The following PRDM14 variants were observed in gnomAD, a reference collection of about 807,000 sequenced individuals.
PRDM14 encodes PR domain zinc finger protein 14.
A neutral mutation model predicts 48.0 loss-of-function variants in PRDM14; 16 were observed. The observed-to-expected ratio is 0.33, with a 90% CI of 0.23 to 0.51. The LOEUF is 0.51. Ranked by LOEUF, PRDM14 falls within the 20% of genes least tolerant of loss-of-function variation. PRDM14 has a pLI of 0.97. For synonymous variants in PRDM14, 264 were observed against 276.6 expected (o/e 0.95, Z 0.45); for missense variants, 566 against 719.6 (o/e 0.79, Z 2.44).
At chr8:70,061,553 C>T (rs1805581546) in intron 5 of PRDM14, among the ~76,000 whole-genome samples, 1 of 152,182 alleles carries the variant, frequency 6.6e-6, no homozygotes, top group Non-Finnish European at 1.5e-5. Flanking sequence ...CTCTCAGAAT[C>T]CCCGTGCTGG....
At chr8:70,063,625 C>T (rs775271012) in intron 5 of PRDM14, among the ~76,000 whole-genome samples, 57 of 151,856 alleles carry the variant, frequency 3.8e-4, no homozygotes, top group Admixed American at 1.5e-3. Context: ...TGGGTTCAAG[C>T]GATTCTCCTG....
chr8:70,056,472 GTTTA>G (rs1805473471), intron 6 of PRDM14, among the ~76,000 whole-genome samples: 1 of 152,136 alleles, frequency 6.6e-6, no homozygotes, highest in South Asian at 2.1e-4. Flanking sequence ...CTTTGTATTT[GTTTA>G]TTTATTTATT....
chr8:70,067,330 C>G (rs565751301), intron 4 of PRDM14, among the ~76,000 whole-genome samples: 1 of 152,002 alleles, frequency 6.6e-6, no homozygotes, highest in Admixed American at 6.6e-5. Flanking sequence ...ACCAGCCTGG[C>G]CAACATGGTG....
intron 1 of PRDM14, among the ~76,000 whole-genome samples, 187 bp downstream of exon 1, chr8:70,070,963 C>T (rs1805756724): frequency 6.6e-6 from 1 of 152,196 alleles, no homozygotes; most frequent in Admixed American, 6.5e-5. Flanking sequence ...CGTCTCCTCC[C>T]GATCCTCCAA....
chr8:70,069,364 G>T lies in PRDM14; in HGVS notation c.497C>A (p.Thr166Asn). Reference sequence around the variant, plus strand: ...GGGTGAGCAAGGTAATAACTGGGAGGTCCTCAGCCCCTCAGGTAACAGAGA... The same window carrying T: ...GGGTGAGCAAGGTAATAACTGGGAGTTCCTCAGCCCCTCAGGTAACAGAGA... ...DASLLPEGLR[T>N]SQLLPCSPSK... The change falls in exon 2 of 8, where the codon ACC becomes AAC. Residue 166 changes from threonine (T) to asparagine (N), a missense_variant. By Grantham distance (65) the Thr-to-Asn change is moderately conservative. Transcript: ENST00000276594. 6.2e-7 allele frequency: 1 copy of T among 1,612,240 alleles called. No individual in the cohort carries two copies.
intron 7 of PRDM14, among the ~76,000 whole-genome samples, chr8:70,052,605 C>T (rs1410689880): frequency 2.6e-5 from 4 of 152,072 alleles, no homozygotes; most frequent in African/African-American, 7.2e-5. Flanking sequence ...TGGTTCACAC[C>T]TGTAATCCCA....
chr8:70,066,913 G>A (rs1292785569), intron 4 of PRDM14, among the ~76,000 whole-genome samples: 1 of 151,926 alleles, frequency 6.6e-6, no homozygotes, highest in Non-Finnish European at 1.5e-5. Flanking sequence ...AAAATTTTTT[G>A]TAGAGACAGG....
chr8:70,057,917 G>T (rs1381506337), intron 6 of PRDM14, among the ~76,000 whole-genome samples: 3 of 152,176 alleles, frequency 2.0e-5, no homozygotes, highest in African/African-American at 7.2e-5. Context: ...TTTATTCTCA[G>T]TTTTCAAAAC....
chr8:70,069,873 C>A lies in PRDM14; in HGVS notation c.-13G>T, dbSNP rs1805738232. On this transcript the variant is annotated 5_prime_UTR_variant, in exon 2 of 8. Coordinates refer to ENST00000276594, the MANE Select transcript of PRDM14 (RefSeq NM_024504.4). ...GGGGTAGAGCCATCCCGGGACCGCA[C>A]GCTCGGCGGCTCTGCAGAAAAGCGG... is the stretch of plus-strand genomic sequence containing the variant. 1.3e-6 allele frequency: 2 copies of A among 1,560,456 alleles called. No homozygotes were observed. The highest frequency in any genetic ancestry group is 1.9e-5 in the Admixed American group (1 of 53,388).
chr8:70,067,512 C>T (rs1445194583), intron 4 of PRDM14, among the ~76,000 whole-genome samples: 2 of 147,176 alleles, frequency 1.4e-5, no homozygotes, highest in African/African-American at 2.6e-5. Context: ...ACAAAAACTC[C>T]GTCTCAAGAA....
chr8:70,052,865 CAAAAAAAAAAAAAAAAAA>C (rs71275047), intron 7 of PRDM14, among the ~76,000 whole-genome samples: 1 of 24,326 alleles, frequency 4.1e-5, no homozygotes, highest in Non-Finnish European at 6.9e-5. Flanking sequence ...ACTCTGTCTC[CAAAAAAAAAAAAAAAAAA>C]AAAAAAAAAG....
At position 70,069,660 on chromosome 8, in the gene PRDM14, G is replaced by A; in HGVS notation, c.201C>T (p.Pro67=). ...GAGGCGCCATCCGGAAGGGGAAGGG[G>A]GGCATGGCGGGGGCAGCAGACGCTG... ...EAAASAAPAM[P]PFPFRMAPPL... The change falls in exon 2 of 8, where the codon CCC becomes CCT. Residue 67 remains proline (P), a synonymous_variant. Coordinates refer to ENST00000276594, the MANE Select transcript of PRDM14 (RefSeq NM_024504.4). 6.4e-7 allele frequency: 1 copy of A among 1,565,274 alleles called. No homozygotes were observed. The highest frequency in any genetic ancestry group is 8.7e-7 in the Non-Finnish European group (1 of 1,155,240).
chr8:70,066,864 T>C (rs914058563), intron 4 of PRDM14, among the ~76,000 whole-genome samples: 11 of 152,090 alleles, frequency 7.2e-5, no homozygotes, highest in Non-Finnish European at 1.0e-4. Context: ...TAGCTGGAAC[T>C]AAAGGCATGC....
chr8:70,068,250 C>T lies in PRDM14; in HGVS notation c.892G>A (p.Asp298Asn), dbSNP rs1285183449. Residue 298 changes from aspartate (D) to asparagine (N), a missense_variant, in exon 4 of 8, where the codon GAC becomes AAC. Asp to Asn is a conservative substitution (Grantham distance 23). Around this residue, in one of 3 missense-constraint regions of PRDM14, gnomAD observed 410 missense variants for 424.6 expected, o/e 0.97. Coordinates refer to ENST00000276594, the MANE Select transcript of PRDM14 (RefSeq NM_024504.4). Reference protein sequence around the residue: ...VNASEVKTYGDNSVMWEIFED... With the variant: ...VNASEVKTYGNNSVMWEIFED... ...TTTACCTCCCACATCACAGAATTGT[C>T]TCCGTAGGTCTTCACTTCACTGGCA... 6.2e-7 allele frequency: 1 copy of T among 1,614,124 alleles called. No homozygotes were observed. The highest frequency in any genetic ancestry group is 8.5e-7 in the Non-Finnish European group (1 of 1,180,052).
In PRDM14 at chr8:70,069,670, G is replaced by C. The variant is rs1466972169; in HGVS notation, c.191C>G (p.Pro64Arg). The change falls in exon 2 of 8, where the codon CCC (proline) becomes CGC (arginine). Residue 64 changes from proline (P) to arginine (R), a missense_variant. Physicochemically the swap from Pro to Arg is moderately radical, Grantham distance 103. Around this residue, in one of 3 missense-constraint regions of PRDM14, gnomAD observed 410 missense variants for 424.6 expected, o/e 0.97. Coordinates refer to ENST00000276594, the MANE Select transcript of PRDM14 (RefSeq NM_024504.4). ...RQLEAAASAA[P>R]AMPPFPFRMA... ...CCGGAAGGGGAAGGGGGGCATGGCGGGGGCAGCAGACGCTGCGGCCTCCAG... is the reference window on the plus strand; with the variant it reads ...CCGGAAGGGGAAGGGGGGCATGGCGCGGGCAGCAGACGCTGCGGCCTCCAG... 6.4e-7 allele frequency: 1 copy of C among 1,550,730 alleles called. No individual in the cohort carries two copies. Among genetic ancestry groups the C allele is most frequent in the African/African-American group, 1.4e-5 (1 of 73,410 alleles).
At chr8:70,070,271 C>T (rs1805744376) in intron 1 of PRDM14, among the ~76,000 whole-genome samples, 1 of 152,178 alleles carries the variant, frequency 6.6e-6, no homozygotes, top group Admixed American at 6.5e-5. Context: ...CTTCTCAGTC[C>T]TACAAAACTC....
Position 70,071,143 on chromosome 8 carries a change from T to A in PRDM14, c.-25+7A>T, listed in dbSNP as rs1805759892. Reference sequence around the variant, plus strand: ...CGGGCCCCAGGCGCGTCCTGTCCCGTGCCTACCTCCGACACCACCTCCAAG... The same window carrying A: ...CGGGCCCCAGGCGCGTCCTGTCCCGAGCCTACCTCCGACACCACCTCCAAG... On this transcript the variant is annotated splice_region_variant and intron_variant, in intron 1 of 7. Coordinates refer to ENST00000276594, the MANE Select transcript of PRDM14 (RefSeq NM_024504.4). The surrounding 1 kb of genome is among the most constrained non-coding windows in gnomAD (Gnocchi z 5.2). 6.6e-6 allele frequency: 1 copy of A among 152,302 alleles called. No individual in the cohort carries two copies. The highest frequency in any genetic ancestry group is 1.5e-5 in the Non-Finnish European group (1 of 68,190). 9.4% of individuals were successfully genotyped at this position (152,302 alleles called of 1,614,324 possible).
rs943701814 is a variant in PRDM14, at chr8:70,051,818, T to C, written c.*259A>G. On this transcript the variant is annotated 3_prime_UTR_variant, in exon 8 of 8. Transcript: ENST00000276594. ...ACAGGGTCTGGTTCTGTCACCCAGGTTGAAAAGCAGTGGGGCGATCTCAGC... is the reference window on the plus strand; with the variant it reads ...ACAGGGTCTGGTTCTGTCACCCAGGCTGAAAAGCAGTGGGGCGATCTCAGC... 2 of 374,326 alleles carry C rather than the reference T, an allele frequency of 5.3e-6. No individual in the cohort carries two copies. The highest frequency in any genetic ancestry group is 5.6e-5 in the South Asian group (1 of 17,854). 23.2% of individuals were successfully genotyped at this position (374,326 alleles called of 1,614,324 possible). A position where few individuals can be genotyped will look rare whatever the true frequency, so the allele number is the denominator to read the frequency against.
intron 7 of PRDM14, among the ~76,000 whole-genome samples, chr8:70,052,525 A>G (rs948270419): frequency 6.6e-6 from 1 of 152,160 alleles, no homozygotes; most frequent in Non-Finnish European, 1.5e-5. Context: ...ATGTTAGAAC[A>G]GTGGTTCTTC....
Sources: allele counts gnomAD v4.1 joint callset (sites outside exome capture counted in the v4.1 genomes callset), GRCh38; gene constraint gnomAD v4.1.1; regional missense constraint gnomAD v4.1.1; non-coding constraint Gnocchi (gnomAD v3.1); transcripts MANE v1.5; gene names NCBI Gene and HGNC (gene_info 2026-07-23, HGNC 2026-07-21).